Variants in ZMYND8 observed in about 807,000 individuals in gnomAD.
The protein encoded by ZMYND8 is MYND-type zinc finger-containing chromatin reader ZMYND8.
A neutral mutation model predicts 140.8 loss-of-function variants in ZMYND8; 37 were observed. That is an observed-to-expected ratio of 0.26 (90% CI 0.20 to 0.35). The LOEUF (loss-of-function observed/expected upper bound fraction) is 0.35, where lower values mean the gene tolerates loss of function less well. Ranked by LOEUF, ZMYND8 falls within the 10% of genes least tolerant of loss-of-function variation. The probability of loss-of-function intolerance (pLI) is 1.00; values close to 1 mark genes in which losing one functional copy is unlikely to be tolerated. For missense variants in ZMYND8, 1,068 were observed against 1,570.0 expected, an observed-to-expected ratio of 0.68 and a Z score of 5.40; for synonymous variants, 592 against 597.1, an observed-to-expected ratio of 0.99 and a Z score of 0.12.
chr20:47,289,283 T>A (rs1259517398), intron 7 of ZMYND8, among the ~76,000 whole-genome samples: 1 of 152,018 alleles, frequency 6.6e-6, no homozygotes, highest in African/African-American at 2.4e-5. Context: ...CAAGAACAGG[T>A]AAAATTTAAA....
chr20:47,267,055 C>G (rs713164), intron 11 of ZMYND8, among the ~76,000 whole-genome samples: 3 of 151,932 alleles, frequency 2.0e-5, no homozygotes, highest in Non-Finnish European at 2.9e-5. Flanking sequence ...AGAACGTTAC[C>G]GAGCCATAAA....
intron 11 of ZMYND8, among the ~76,000 whole-genome samples, chr20:47,271,032 G>A (rs1431647393): frequency 1.3e-5 from 2 of 151,812 alleles, no homozygotes; most frequent in Admixed American, 6.6e-5. Flanking sequence ...AGCCGAGATC[G>A]CACCACTGTA....
At chr20:47,285,958 A>G in intron 8 of ZMYND8, 1 of 510,042 alleles carries the variant, frequency 2.0e-6, no homozygotes, top group Non-Finnish European at 2.5e-6. Context: ...TTGGAGGCTG[A>G]GGCAGAAGGA....
At chr20:47,355,934 C>T (rs1602232376) in intron 1 of ZMYND8, among the ~76,000 whole-genome samples, 1 of 150,916 alleles carries the variant, frequency 6.6e-6, no homozygotes, top group Admixed American at 6.7e-5. Context: ...GCTTGCAGAA[C>T]ACTCTGTAGC....
intron 2 of ZMYND8, among the ~76,000 whole-genome samples, chr20:47,346,833 C>T (rs2082373475): frequency 6.6e-6 from 1 of 152,216 alleles, no homozygotes; most frequent in Non-Finnish European, 1.5e-5. Context: ...GTCTCGAACG[C>T]CTGACCTCGT....
chr20:47,233,573 T>C (rs1460390859), intron 16 of ZMYND8, among the ~76,000 whole-genome samples: 3 of 152,184 alleles, frequency 2.0e-5, no homozygotes, highest in African/African-American at 7.2e-5. Flanking sequence ...TGAACATTTG[T>C]GGTCAGCAGG....
chr20:47,302,397 C>T (rs1227033071), intron 3 of ZMYND8, among the ~76,000 whole-genome samples: 1 of 152,146 alleles, frequency 6.6e-6, no homozygotes, highest in Non-Finnish European at 1.5e-5. Context: ...ACTCAGGTTG[C>T]AGTGAGCCAA....
Position 47,341,318 on chromosome 20 carries a change from G to A in ZMYND8, c.85+6538C>T, listed in dbSNP as rs2081858934. ...GAGGTGGGCAGATCACTTGAGGTCA[G>A]GAGTTCGAGACTAGCCTGGCTAACA... On this transcript the variant is annotated intron_variant, in intron 2 of 22. Transcript: ENST00000471951. Among the ~76,000 whole-genome samples the A allele has an allele frequency of 4.7e-5, 7 of 149,984 alleles. No homozygotes were observed. In the South Asian group the frequency reaches 1.3e-3, roughly 27 times the overall value.
intron 2 of ZMYND8, among the ~76,000 whole-genome samples, chr20:47,347,132 GT>G (rs2082402830): frequency 6.6e-6 from 1 of 152,154 alleles, no homozygotes; most frequent in Non-Finnish European, 1.5e-5. Context: ...CAACCATTAA[GT>G]TTGGAGATGA....
intron 2 of ZMYND8, among the ~76,000 whole-genome samples, chr20:47,322,214 A>G (rs1444604188): frequency 6.6e-6 from 1 of 152,052 alleles, no homozygotes; most frequent in Admixed American, 6.6e-5. Flanking sequence ...GGCCCATGGT[A>G]AAGCGGCTAT....
chr20:47,221,183 T>C (rs892143618), intron 20 of ZMYND8, 131 bp downstream of exon 20: 2 of 1,291,728 alleles, frequency 1.5e-6, no homozygotes, highest in East Asian at 2.4e-5. Flanking sequence ...ACACATCCAC[T>C]GGAAATGCCG....
At chr20:47,253,536 CAAA>C (rs11475274) in intron 12 of ZMYND8, among the ~76,000 whole-genome samples, 13 of 115,896 alleles carry the variant, frequency 1.1e-4, no homozygotes, top group African/African-American at 2.5e-4. Flanking sequence ...GACTCCATCT[CAAA>C]AAAAAAAAAA....
Position 47,356,294 on chromosome 20 carries a change from C to T in ZMYND8, c.14+363G>A. The T allele has an allele frequency of 5.2e-6, 6 of 1,153,604 alleles. No homozygotes were observed. The South Asian group carries it at 8.4e-5, about 16-fold the overall frequency. 71.5% of individuals were successfully genotyped at this position (1,153,604 alleles called of 1,614,324 possible). A position where few individuals can be genotyped will look rare whatever the true frequency, so the allele number is the denominator to read the frequency against. ...CAGGGGTGGGAGGGGGGGAACTGCTCAGAGAGAGAGAGAGGGGAAGAGAGA... is the reference window on the plus strand; with the variant it reads ...CAGGGGTGGGAGGGGGGGAACTGCTTAGAGAGAGAGAGAGGGGAAGAGAGA... On this transcript the variant is annotated intron_variant, in intron 1 of 22. Transcript: ENST00000471951.
chr20:47,317,997 CTG>C (rs1039048852), intron 2 of ZMYND8, among the ~76,000 whole-genome samples: 8 of 152,228 alleles, frequency 5.3e-5, no homozygotes, highest in Non-Finnish European at 7.4e-5. Flanking sequence ...TAATGGGTAA[CTG>C]TATTTTTTTT....
intron 11 of ZMYND8, among the ~76,000 whole-genome samples, chr20:47,270,893 T>C (rs2075894739): frequency 2.6e-5 from 4 of 151,556 alleles, no homozygotes; most frequent in Admixed American, 2.0e-4. Flanking sequence ...CTGGCTAACA[T>C]GGTAAAACCC....
intron 1 of ZMYND8, chr20:47,354,665 A>G (rs146261638): frequency 1.3e-5 from 2 of 152,198 alleles, no homozygotes; most frequent in African/African-American, 2.4e-5. Context: ...TGAAAGAAAA[A>G]AGATTACTGA....
intron 13 of ZMYND8, among the ~76,000 whole-genome samples, chr20:47,248,731 G>C (rs2073928463): frequency 2.6e-5 from 4 of 152,134 alleles, no homozygotes; most frequent in African/African-American, 9.7e-5. Flanking sequence ...CAAAGGAGGA[G>C]GGCAGATGGG....
intron 3 of ZMYND8, among the ~76,000 whole-genome samples, chr20:47,307,028 C>G (rs114439302): frequency 6.6e-6 from 1 of 152,082 alleles, no homozygotes; most frequent in Non-Finnish European, 1.5e-5. Flanking sequence ...GGTCTGAATG[C>G]TTGTGTACCT....
intron 2 of ZMYND8, among the ~76,000 whole-genome samples, chr20:47,339,627 C>T (rs1169412299): frequency 6.6e-6 from 1 of 151,942 alleles, no homozygotes; most frequent in Admixed American, 6.6e-5. Flanking sequence ...CAGGCACCCG[C>T]GACCACGCCT....
Sources: allele counts gnomAD v4.1 joint callset (sites outside exome capture counted in the v4.1 genomes callset), GRCh38; gene constraint gnomAD v4.1.1; transcripts MANE v1.5; gene names NCBI Gene and HGNC (gene_info 2026-07-23, HGNC 2026-07-21).